XRN1: variants seen among roughly 807,000 people sequenced by gnomAD.
The protein encoded by XRN1 is 5'-3' exoribonuclease 1.
XRN1 carries 67 observed loss-of-function variants against 222.3 expected under a neutral mutation model. That is an observed-to-expected ratio of 0.30 (90% CI 0.25 to 0.37). The LOEUF (loss-of-function observed/expected upper bound fraction) is 0.37, where lower values mean the gene tolerates loss of function less well. Among genes scored for constraint, XRN1 ranks in the 10% least tolerant of loss-of-function variants. The probability of loss-of-function intolerance (pLI) is 1.00; values close to 1 mark genes in which losing one functional copy is unlikely to be tolerated. For missense variants in XRN1, 1,707 were observed against 2,000.2 expected, an observed-to-expected ratio of 0.85 and a Z score of 2.80; for synonymous variants, 643 against 652.4, an observed-to-expected ratio of 0.99 and a Z score of 0.22.
In XRN1 at chr3:142,316,419, TCATGTTGCCCAGGCTGTTTTGC is replaced by T. The variant is rs1173542766; in HGVS notation, c.4621+2151_4621+2172del. ...TTTGTAGATTAGAGATGGGGTTTTA[TCATGTTGCCCAGGCTGTTTTGC>T]CATGTTGCCCAGGCTAATAATTATT... is the stretch of plus-strand genomic sequence containing the variant. On this transcript the variant is annotated intron_variant, in intron 39 of 40. Coordinates refer to ENST00000392981, the MANE Select transcript of XRN1 (RefSeq NM_001282857.2). Among the ~76,000 whole-genome samples, 15 of 152,146 alleles carry T rather than the reference TCATGTTGCCCAGGCTGTTTTGC, an allele frequency of 9.9e-5. No individual in the cohort carries two copies. In the South Asian group the frequency reaches 2.1e-3, roughly 21 times the overall value.
intron 36 of XRN1, among the ~76,000 whole-genome samples, 160 bp downstream of exon 36, chr3:142,332,215 T>A (rs547891280): frequency 3.8e-4 from 58 of 152,208 alleles, no homozygotes; most frequent in African/African-American, 1.3e-3. Flanking sequence ...AGGTCAGAAG[T>A]TTGAGACCAG....
At chr3:142,351,137 CTATCTATG>C (rs1049974781) in intron 32 of XRN1, among the ~76,000 whole-genome samples, 20 of 151,884 alleles carry the variant, frequency 1.3e-4, no homozygotes, top group East Asian at 7.7e-4. Context: ...ATCTATGTAT[CTATCTATG>C]TATCTATGTA....
intron 37 of XRN1, among the ~76,000 whole-genome samples, chr3:142,328,786 T>A: frequency 8.2e-6 from 1 of 121,828 alleles, no homozygotes; most frequent in African/African-American, 2.9e-5. Flanking sequence ...AGAGACAAGG[T>A]CTTGCTCTGT....
chr3:142,397,243 T>C (rs1253868784), intron 20 of XRN1, 86 bp downstream of exon 20: 3 of 1,305,210 alleles, frequency 2.3e-6, no homozygotes, highest in Non-Finnish European at 2.0e-6. Flanking sequence ...GAGTAACTAC[T>C]ATGTTAAATG....
intron 37 of XRN1, among the ~76,000 whole-genome samples, chr3:142,328,131 A>G (rs189370040): frequency 1.3e-5 from 2 of 152,328 alleles, no homozygotes; most frequent in East Asian, 3.9e-4. Flanking sequence ...TGCAATATAC[A>G]TACAAATCAG....
At chr3:142,410,597 C>T (rs1317236847) in intron 15 of XRN1, among the ~76,000 whole-genome samples, 9 of 140,784 alleles carry the variant, frequency 6.4e-5, no homozygotes, top group African/African-American at 1.9e-4. Flanking sequence ...AGGGTTCAAG[C>T]GATTCTCCTG....
chr3:142,344,699 G>C (rs932642616), intron 33 of XRN1, among the ~76,000 whole-genome samples: 6 of 152,060 alleles, frequency 3.9e-5, no homozygotes, highest in Non-Finnish European at 1.5e-5. Context: ...TAACAAAAAA[G>C]TGTAAGACTT....
At chr3:142,330,570 C>T (rs1388359232) in intron 36 of XRN1, among the ~76,000 whole-genome samples, 1 of 151,280 alleles carries the variant, frequency 6.6e-6, no homozygotes. Context: ...GAGCTAGTGA[C>T]CCTAAGACTC....
intron 22 of XRN1, among the ~76,000 whole-genome samples, chr3:142,380,500 G>A (rs549692404): frequency 1.1e-4 from 16 of 152,188 alleles, no homozygotes; most frequent in Admixed American, 5.9e-4. Context: ...TGCGTTCAGG[G>A]TGGTATGGCC....
In XRN1 at chr3:142,347,248, T is replaced by C; in HGVS notation, c.3863A>G (p.Asp1288Gly). The C allele has an allele frequency of 6.2e-7, 1 of 1,602,760 alleles. No individual in the cohort carries two copies. Among genetic ancestry groups the C allele is most frequent in the Non-Finnish European group, 8.5e-7 (1 of 1,173,914 alleles). The change falls in exon 33 of 41, where the codon GAC (aspartate) becomes GGC (glycine). Residue 1288 changes from aspartate (D) to glycine (G), a missense_variant. By Grantham distance (94) the Asp-to-Gly change is moderately conservative (BLOSUM62 -1). This residue lies in a region of XRN1 where 473 missense variants were observed against 482.0 expected (regional missense o/e 0.98). Transcript: ENST00000392981. The part of the protein sequence containing the change: ...NSVKYQQRKH[D>G]PHRKFKEECK... ...TTAAAACTTACATTTTCTGTGAGGGTCATGTTTTCTTTGCTGATATTTAAC... is the reference window on the plus strand; with the variant it reads ...TTAAAACTTACATTTTCTGTGAGGGCCATGTTTTCTTTGCTGATATTTAAC...
chr3:142,445,927 ATTCTG>A (rs1371238892), intron 1 of XRN1, among the ~76,000 whole-genome samples: 19 of 152,216 alleles, frequency 1.2e-4, no homozygotes, highest in Non-Finnish European at 2.6e-4. Flanking sequence ...CTATTCTGGA[ATTCTG>A]TTCTAAGGTT....
At chr3:142,383,209 A>T in intron 22 of XRN1, 91 bp downstream of exon 22, 1 of 1,000,408 alleles carries the variant, frequency 1.0e-6, no homozygotes, top group African/African-American at 1.7e-5. Flanking sequence ...TCCCTTCATT[A>T]TTATATTTTA....
In XRN1 at chr3:142,341,874, A is replaced by G. The variant is rs192849084; in HGVS notation, c.3877+5360T>C. 2.6e-5 allele frequency among the ~76,000 whole-genome samples: 4 copies of G among 152,312 alleles called. No individual in the cohort carries two copies. The East Asian group carries it at 7.7e-4, about 29-fold the overall frequency. On this transcript the variant is annotated intron_variant, in intron 33 of 40. Transcript: ENST00000392981. ...GTCAATTCAGCAAGAGGATATAACA[A>G]CTGTATAAAAACAATTGTAAAAAAA...
chr3:142,425,446 A>G lies in XRN1; in HGVS notation c.499T>C (p.Tyr167His), dbSNP rs1436453547. The G allele has an allele frequency of 6.2e-7, 1 of 1,612,374 alleles. No individual in the cohort carries two copies. Among genetic ancestry groups the G allele is most frequent in the African/African-American group, 1.3e-5 (1 of 74,878 alleles). The change falls in exon 4 of 41, where the codon TAC (tyrosine) becomes CAC (histidine). Residue 167 changes from tyrosine to histidine, a missense_variant. Around this residue, in one of 2 missense-constraint regions of XRN1, gnomAD observed 1,234 missense variants for 1,518.2 expected, o/e 0.81. Coordinates refer to ENST00000392981, the MANE Select transcript of XRN1 (RefSeq NM_001282857.2). Reference sequence around the variant, plus strand: ...ATAATAACCTCATGGCCTGAGAAGTAGATGGTAACTCCTTGCCATGACTTG... The same window carrying G: ...ATAATAACCTCATGGCCTGAGAAGTGGATGGTAACTCCTTGCCATGACTTG... ...TDKSWQGVTIYFSGHETPGEG... is the reference protein window; with the variant it reads ...TDKSWQGVTIHFSGHETPGEG...
chr3:142,347,506 C>G (rs1289370912), intron 32 of XRN1, among the ~76,000 whole-genome samples, 164 bp from the exon 33 acceptor site: 1 of 152,064 alleles, frequency 6.6e-6, no homozygotes, highest in Non-Finnish European at 1.5e-5. Flanking sequence ...AACTCTATCA[C>G]CAGACTCATT....
At position 142,421,558 on chromosome 3, in the gene XRN1, A is replaced by C; in HGVS notation, c.968-15T>G. The stretch of plus-strand genomic sequence containing the variant: ...ATTAATATAACCTAAAAGAAACAAA[A>C]ATTTAAATCTGTACTAAAAGCTGAC... On this transcript the variant is annotated splice_polypyrimidine_tract_variant and intron_variant, in intron 8 of 40. Coordinates refer to ENST00000392981, the MANE Select transcript of XRN1 (RefSeq NM_001282857.2). 4 of 1,573,688 alleles carry C rather than the reference A, an allele frequency of 2.5e-6. No homozygotes were observed. The highest frequency in any genetic ancestry group is 3.5e-6 in the Non-Finnish European group (4 of 1,156,876).
intron 2 of XRN1, 50 bp downstream of exon 2, chr3:142,432,609 CAT>C (rs1488325070): frequency 7.2e-6 from 10 of 1,394,716 alleles, no homozygotes; most frequent in African/African-American, 1.5e-5. Context: ...TTTAAAATAA[CAT>C]ATTTTTACTA....
At chr3:142,385,350 T>A (rs1278510063) in intron 20 of XRN1, among the ~76,000 whole-genome samples, 1 of 152,160 alleles carries the variant, frequency 6.6e-6, no homozygotes, top group East Asian at 1.9e-4. Flanking sequence ...GCATGCTAAA[T>A]GAAAGAAGCC....
In XRN1 at chr3:142,414,427, CTGAATA is replaced by C. The variant is rs2068707576; in HGVS notation, c.1437-142_1437-137del. On this transcript the variant is annotated intron_variant, in intron 13 of 40. Transcript: ENST00000392981. ...TTAGTACTGCCCATAATTCTACTATCTGAATATAAGAAATTAGCAGTGTTGGAAAAT... is the reference window on the plus strand; with the variant it reads ...TTAGTACTGCCCATAATTCTACTATCTAAGAAATTAGCAGTGTTGGAAAAT... The C allele has an allele frequency of 6.5e-6, 4 of 614,954 alleles. 1 individual carries two copies. The South Asian group carries it at 1.7e-4, about 27-fold the overall frequency. The allele number at this position is 614,954 out of a possible 1,614,324, so 38.1% of individuals were successfully genotyped here. A position where few individuals can be genotyped will look rare whatever the true frequency, so the allele number is the denominator to read the frequency against.
Sources: gnomAD v4.1 joint callset for allele counts (sites outside exome capture counted in the v4.1 genomes callset) on GRCh38, gnomAD v4.1.1 for gene constraint, gnomAD v4.1.1 regional missense constraint, MANE v1.5 for transcripts, NCBI Gene and HGNC (gene_info 2026-07-23, HGNC 2026-07-21) for gene names.